TRPM4: variants seen among roughly 807,000 people sequenced by gnomAD.
TRPM4 encodes the protein transient receptor potential cation channel subfamily M member 4.
In TRPM4, 124 loss-of-function variants were observed where a neutral mutation model predicts 135.6. The ratio of observed to expected loss-of-function variants is 0.91; its 90% CI spans 0.79 to 1.06. The LOEUF is 1.06. Among genes scored for constraint, TRPM4 ranks in the 50% least tolerant of loss-of-function variants. The probability of loss-of-function intolerance (pLI) is 0.00; values close to 1 mark genes in which losing one functional copy is unlikely to be tolerated. For missense variants in TRPM4, 1,658 were observed against 1,671.4 expected (o/e 0.99, Z 0.14); for synonymous variants, 745 against 705.6 (o/e 1.06, Z -0.88).
chr19:49,204,819 C>T (rs1600528527), intron 20 of TRPM4, among the ~76,000 whole-genome samples: 2 of 151,082 alleles, frequency 1.3e-5, no homozygotes, highest in East Asian at 1.9e-4. Context: ...TCGGCTGGAT[C>T]CCAAAGTGCT....
At position 49,168,067 on chromosome 19, in the gene TRPM4, C is replaced by T. The variant is rs1026482252; in HGVS notation, c.418C>T (p.Arg140Cys). Residue 140 changes from arginine to cysteine, a missense_variant, in exon 4 of 25, where the codon CGT becomes TGT. By Grantham distance (180) the Arg-to-Cys change is radical. This residue lies in a region of TRPM4 where 239 missense variants were observed against 240.1 expected (regional missense o/e 1.00). Coordinates refer to ENST00000252826, the MANE Select transcript of TRPM4 (RefSeq NM_017636.4). Reference sequence around the variant, plus strand: ...GACCTGGCTGCAGGACCTGCTGCGTCGTGGGCTGGTGCGGGCTGCCCAGAG... The same window carrying T: ...GACCTGGCTGCAGGACCTGCTGCGTTGTGGGCTGGTGCGGGCTGCCCAGAG... ...LQTWLQDLLR[R>C]GLVRAAQSTG... The T allele has an allele frequency of 6.2e-6, 10 of 1,609,488 alleles. No individual in the cohort carries two copies. The highest frequency in any genetic ancestry group is 2.7e-5 in the African/African-American group (2 of 74,904).
intron 2 of TRPM4, among the ~76,000 whole-genome samples, chr19:49,164,536 G>A (rs960480960): frequency 9.3e-5 from 14 of 150,194 alleles, no homozygotes; most frequent in Non-Finnish European, 1.5e-4. Context: ...CCGCCACCAC[G>A]ACCAGCTAAT....
In TRPM4 at chr19:49,192,671, T is replaced by C. The variant is rs1283783577; in HGVS notation, c.2210+1898T>C. Among the ~76,000 whole-genome samples the C allele has an allele frequency of 2.6e-5, 4 of 151,888 alleles. No individual in the cohort carries two copies. In the South Asian group the frequency reaches 6.2e-4, roughly 24 times the overall value. ...GAGTGAAACAACACACATTGGGGCC[T>C]ATTGGAGGACAGAGGGTAGGGCGAG... On this transcript the variant is annotated intron_variant, in intron 16 of 24. Coordinates refer to ENST00000252826, the MANE Select transcript of TRPM4 (RefSeq NM_017636.4).
rs138173650 is a variant in TRPM4 at position 49,211,579 on chromosome 19, G to A, written c.*81G>A. 3.8e-6 allele frequency: 6 copies of A among 1,562,954 alleles called. No individual in the cohort carries two copies. Among genetic ancestry groups the A allele is most frequent in the Admixed American group, 1.7e-5 (1 of 59,960 alleles). ...AAGGCTCATCTGGGCCTCGGCCCCC[G>A]CACCTGGTGGCCTTGTCCTTGAGGT... On this transcript the variant is annotated 3_prime_UTR_variant, in exon 25 of 25. Transcript: ENST00000252826. The surrounding 1 kb of genome is among the most constrained non-coding windows in gnomAD (Gnocchi z 4.8).
intron 10 of TRPM4, 111 bp from the exon 11 acceptor site, chr19:49,182,466 AT>A (rs1968012122): frequency 1.7e-5 from 7 of 414,756 alleles, no homozygotes; most frequent in Admixed American, 1.5e-4. Flanking sequence ...CCATCCATCC[AT>A]CCATCCATCC....
chr19:49,196,279 G>C (rs956098541), intron 16 of TRPM4, among the ~76,000 whole-genome samples, 161 bp from the exon 17 acceptor site: 1 of 152,226 alleles, frequency 6.6e-6, no homozygotes, highest in Non-Finnish European at 1.5e-5. Context: ...AGAGGTCAGA[G>C]GTTAGATACA....
In TRPM4 at chr19:49,199,497, G is replaced by C. The variant is rs559926453; in HGVS notation, c.2646-803G>C. Among the ~76,000 whole-genome samples the C allele has an allele frequency of 1.3e-4, 20 of 152,150 alleles. No homozygotes were observed. In the South Asian group the frequency reaches 3.9e-3, roughly 30 times the overall value. On this transcript the variant is annotated intron_variant, in intron 17 of 24. Transcript: ENST00000252826. The stretch of plus-strand genomic sequence containing the variant: ...GATGTTCTCGATCTCCTGACCCCGT[G>C]ATCCGCCCGCCTCGGCCTCCCAAAG...
intron 9 of TRPM4, 89 bp downstream of exon 9, chr19:49,172,197 TCCAAGGCCCATGC>T: frequency 9.8e-7 from 1 of 1,020,628 alleles, no homozygotes; most frequent in Non-Finnish European, 1.5e-6. Flanking sequence ...CCCTCTCTAA[TCCAAGGCCCATGC>T]CCCCTTTACC....
At position 49,196,763 on chromosome 19, in the gene TRPM4, C is replaced by T. The variant is rs374003036; in HGVS notation, c.2534C>T (p.Pro845Leu). 135 of 1,553,146 alleles carry T rather than the reference C, an allele frequency of 8.7e-5. No homozygotes were observed. The African/African-American group carries it at 1.8e-3, about 20-fold the overall frequency. Residue 845 changes from proline to leucine, a missense_variant, in exon 17 of 25, where the codon CCC becomes CTC. Around this residue, in one of 3 missense-constraint regions of TRPM4, gnomAD observed 1,412 missense variants for 1,408.7 expected, o/e 1.00. Coordinates refer to ENST00000252826, the MANE Select transcript of TRPM4 (RefSeq NM_017636.4). ...GGGGSLASGG[P>L]GPGHASLSQR... ...GGGGGCAGCCTCGCCAGCGGGGGCC[C>T]CGGGCCTGGCCATGCCTCACTGAGC...
intron 17 of TRPM4, among the ~76,000 whole-genome samples, chr19:49,197,675 TTTTC>T (rs1461998464): frequency 6.6e-6 from 1 of 150,716 alleles, no homozygotes. Flanking sequence ...TTTGTTTTTG[TTTTC>T]TTTCTTTTCT....
intron 9 of TRPM4, among the ~76,000 whole-genome samples, chr19:49,178,534 G>A (rs1356306450): frequency 1.3e-5 from 2 of 151,966 alleles, no homozygotes; most frequent in Admixed American, 6.6e-5. Context: ...AGCAGGAAGG[G>A]ACAAGGACAG....
Position 49,211,712 on chromosome 19 carries a change from T to A in TRPM4, c.*214T>A. ...CAGAACCAGTCCCAGCCTGGGAGGA[T>A]CAAGGCCTGGATCCCGGGCCGTTAT... is the stretch of plus-strand genomic sequence containing the variant. On this transcript the variant is annotated 3_prime_UTR_variant, in exon 25 of 25. Coordinates refer to ENST00000252826, the MANE Select transcript of TRPM4 (RefSeq NM_017636.4). The surrounding 1 kb of genome is among the most constrained non-coding windows in gnomAD (Gnocchi z 4.8). The A allele has an allele frequency of 3.0e-6, 2 of 661,398 alleles. No individual in the cohort carries two copies. The highest frequency in any genetic ancestry group is 5.3e-6 in the Non-Finnish European group (2 of 379,142). 41.0% of individuals were successfully genotyped at this position (661,398 alleles called of 1,614,324 possible). A position where few individuals can be genotyped will look rare whatever the true frequency, so the allele number is the denominator to read the frequency against.
At chr19:49,183,789 T>C (rs1968094183) in intron 12 of TRPM4, among the ~76,000 whole-genome samples, 2 of 149,570 alleles carry the variant, frequency 1.3e-5, no homozygotes, top group South Asian at 4.2e-4. Context: ...TTTTTTTTTT[T>C]TTGAGATGGA....
Position 49,168,050 on chromosome 19 carries a change from T to C in TRPM4, c.401T>C (p.Leu134Pro). ...GGGGGCCCCGTCCTCCAGACCTGGC[T>C]GCAGGACCTGCTGCGTCGTGGGCTG... is the stretch of plus-strand genomic sequence containing the variant. ...GSGGPVLQTW[L>P]QDLLRRGLVR... Residue 134 changes from leucine (L) to proline (P), a missense_variant, in exon 4 of 25, where the codon CTG becomes CCG. Around this residue, in one of 3 missense-constraint regions of TRPM4, gnomAD observed 239 missense variants for 240.1 expected, o/e 1.00. Transcript: ENST00000252826. The C allele has an allele frequency of 1.2e-6, 2 of 1,611,918 alleles. No individual in the cohort carries two copies. Among genetic ancestry groups the C allele is most frequent in the South Asian group, 1.1e-5 (1 of 91,056 alleles).
chr19:49,161,323 CTTTTT>C (rs67808134), intron 2 of TRPM4, among the ~76,000 whole-genome samples: 1,718 of 101,182 alleles, frequency 0.017, 38 homozygotes, highest in African/African-American at 0.058. Flanking sequence ...GTCTCTCTCT[CTTTTT>C]TTTTTTTTTT....
At chr19:49,166,376 G>A (rs1967180084) in intron 3 of TRPM4, among the ~76,000 whole-genome samples, 161 bp downstream of exon 3, 1 of 152,094 alleles carries the variant, frequency 6.6e-6, no homozygotes, top group Non-Finnish European at 1.5e-5. Context: ...CTCTGAGGGG[G>A]TCCCGTTCTC....
At chr19:49,166,357 C>T (rs1967179127) in intron 3 of TRPM4, 142 bp downstream of exon 3, 1 of 828,468 alleles carries the variant, frequency 1.2e-6, no homozygotes, top group Non-Finnish European at 1.8e-6. Context: ...TCCGCCCCAC[C>T]TATCTTCTCT....
Position 49,202,881 on chromosome 19 carries a change from C to CTTTT in TRPM4, c.3131+758_3131+761dup, listed in dbSNP as rs752188238. Among the ~76,000 whole-genome samples, 104 of 109,586 alleles carry CTTTT rather than the reference C, an allele frequency of 9.5e-4. 1 individual carries two copies. The highest frequency in any genetic ancestry group is 1.5e-3 in the African/African-American group (39 of 26,380). The allele number at this position is 109,586 out of a possible 152,430, so 71.9% of individuals were successfully genotyped here. On this transcript the variant is annotated intron_variant, in intron 20 of 24. Coordinates refer to ENST00000252826, the MANE Select transcript of TRPM4 (RefSeq NM_017636.4). ...TATATAAAATTTTCCATTTTTACTTCTTTTTTTTTTTTTTTTTTTTTGACG... is the reference window on the plus strand; with the variant it reads ...TATATAAAATTTTCCATTTTTACTTCTTTTTTTTTTTTTTTTTTTTTTTTTGACG...
rs1568471018 is a variant in TRPM4, at chr19:49,182,450, A to AT, written c.1264-128_1264-127insT. Reference sequence around the variant, plus strand: ...TACCTATCCATTCATCCATCCATCCACCCATCCATCCATCCATCCATCCAT... The same window carrying AT: ...TACCTATCCATTCATCCATCCATCCATCCCATCCATCCATCCATCCATCCAT... On this transcript the variant is annotated intron_variant, in intron 10 of 24. Transcript: ENST00000252826. The AT allele has an allele frequency of 2.2e-4, 159 of 732,290 alleles. No individual in the cohort carries two copies. The African/African-American group carries it at 2.5e-3, about 12-fold the overall frequency. 45.4% of individuals were successfully genotyped at this position (732,290 alleles called of 1,614,324 possible).
Sources: allele counts gnomAD v4.1 joint callset (sites outside exome capture counted in the v4.1 genomes callset), GRCh38; gene constraint gnomAD v4.1.1; regional missense constraint gnomAD v4.1.1; non-coding constraint Gnocchi (gnomAD v3.1); transcripts MANE v1.5; gene names NCBI Gene and HGNC (gene_info 2026-07-23, HGNC 2026-07-21).